The following MAD1L1 variants were observed in gnomAD, a reference collection of about 807,000 sequenced individuals.
MAD1L1 encodes the protein mitotic arrest deficient 1 like 1, also known as mitotic spindle assembly checkpoint protein MAD1.
Under a neutral mutation model 96.9 loss-of-function variants are expected in MAD1L1, and 95 were observed. The observed-to-expected ratio is 0.98, with a 90% CI of 0.83 to 1.16. The LOEUF is 1.16. MAD1L1 is among the 50% of genes most tolerant of loss of function. The pLI is 0.00. For missense variants in MAD1L1, 1,007 were observed against 954.4 expected (o/e 1.06, Z -0.73); for synonymous variants, 473 against 396.6 (o/e 1.19, Z -2.29).
At chr7:2,138,012 C>T (rs1347620028) in intron 11 of MAD1L1, among the ~76,000 whole-genome samples, 2 of 152,232 alleles carry the variant, frequency 1.3e-5, no homozygotes. Flanking sequence ...GTTCACAGGG[C>T]GTTTCTGTAC....
chr7:2,177,190 C>A (rs1790988722), intron 10 of MAD1L1, among the ~76,000 whole-genome samples: 1 of 152,208 alleles, frequency 6.6e-6, no homozygotes, highest in Non-Finnish European at 1.5e-5. Context: ...TGATATCAGG[C>A]AGTAACAACA....
At chr7:2,101,865 G>A (rs1451574436) in intron 11 of MAD1L1, among the ~76,000 whole-genome samples, 1 of 152,150 alleles carries the variant, frequency 6.6e-6, no homozygotes, top group Non-Finnish European at 1.5e-5. Flanking sequence ...GCCCACGCCT[G>A]ACACATGCTG....
At chr7:2,032,113 T>C (rs1783253504) in intron 12 of MAD1L1, among the ~76,000 whole-genome samples, 1 of 152,250 alleles carries the variant, frequency 6.6e-6, no homozygotes, top group African/African-American at 2.4e-5. Flanking sequence ...GGAGTTTCCA[T>C]GCATCAGCTC....
At chr7:1,978,674 T>C (rs1176101311) in intron 15 of MAD1L1, among the ~76,000 whole-genome samples, 1 of 151,464 alleles carries the variant, frequency 6.6e-6, no homozygotes, top group African/African-American at 2.4e-5. Flanking sequence ...GCAGACGCAC[T>C]TCCAGGGGGA....
intron 11 of MAD1L1, among the ~76,000 whole-genome samples, chr7:2,099,429 T>C (rs1176562653): frequency 3.3e-5 from 5 of 152,234 alleles, no homozygotes; most frequent in Non-Finnish European, 7.3e-5. Context: ...GCAGCAGAGA[T>C]AAGTAATGTT....
chr7:1,947,377 G>A (rs1015274470), intron 16 of MAD1L1, among the ~76,000 whole-genome samples: 6 of 152,252 alleles, frequency 3.9e-5, no homozygotes, highest in African/African-American at 1.4e-4. Flanking sequence ...AGAGGGGAAT[G>A]GAAAACACAG....
intron 10 of MAD1L1, among the ~76,000 whole-genome samples, chr7:2,208,208 C>T (rs770771552): frequency 3.3e-5 from 5 of 152,102 alleles, no homozygotes; most frequent in Non-Finnish European, 5.9e-5. Flanking sequence ...GTATGTACCT[C>T]GAGTGGCTCA....
At chr7:1,954,408 A>G (rs943043941) in intron 16 of MAD1L1, among the ~76,000 whole-genome samples, 1 of 152,088 alleles carries the variant, frequency 6.6e-6, no homozygotes, top group African/African-American at 2.4e-5. Flanking sequence ...GAGGTGGCGC[A>G]TCAGAGGGCA....
At chr7:2,004,461 G>C (rs6975354) in intron 13 of MAD1L1, among the ~76,000 whole-genome samples, 61,484 of 152,172 alleles carry the variant, frequency 0.4, 13,174 homozygotes, top group African/African-American at 0.55. Flanking sequence ...TGGCAACCTT[G>C]CAAGGTCAAA....
intron 12 of MAD1L1, among the ~76,000 whole-genome samples, chr7:2,043,221 T>G (rs1584167050): frequency 6.6e-6 from 1 of 152,352 alleles, no homozygotes; most frequent in East Asian, 1.9e-4. Flanking sequence ...CTTTCGAATG[T>G]GTCTGCATCC....
At chr7:2,077,986 C>T (rs1446948031) in intron 11 of MAD1L1, among the ~76,000 whole-genome samples, 14 of 152,184 alleles carry the variant, frequency 9.2e-5, no homozygotes, top group Admixed American at 9.2e-4. Flanking sequence ...GCCAGGGTTC[C>T]CAGACAGGGC....
At chr7:1,829,982 C>G (rs897883023) in intron 18 of MAD1L1, among the ~76,000 whole-genome samples, 1 of 152,122 alleles carries the variant, frequency 6.6e-6, no homozygotes, top group Non-Finnish European at 1.5e-5. Flanking sequence ...AATATCTCCC[C>G]CCAAATAAAG....
intron 11 of MAD1L1, among the ~76,000 whole-genome samples, chr7:2,079,401 T>C (rs1212654385): frequency 2.6e-5 from 4 of 152,192 alleles, no homozygotes; most frequent in Non-Finnish European, 4.4e-5. Context: ...AACCAGAGAA[T>C]GAGAAGACCA....
rs561324370 is a variant in MAD1L1, at chr7:2,132,423, C to T, written c.1073+16729G>A. The stretch of plus-strand genomic sequence containing the variant: ...GCCGCGTGCAGTCGGTTCACTGCTG[C>T]GTGCGACCGCGCGTCCACCATCACG... On this transcript the variant is annotated intron_variant, in intron 11 of 18. Coordinates refer to ENST00000265854, the MANE Select transcript of MAD1L1 (RefSeq NM_001013836.2). 1.1e-3 allele frequency among the ~76,000 whole-genome samples: 74 copies of T among 68,184 alleles called. 2 individuals are homozygous for T. The highest frequency in any genetic ancestry group is 1.9e-3 in the African/African-American group (49 of 26,006). The allele number at this position is 68,184 out of a possible 152,430, so 44.7% of individuals were successfully genotyped here.
chr7:2,074,436 G>T (rs1785283996), intron 11 of MAD1L1, among the ~76,000 whole-genome samples: 1 of 152,244 alleles, frequency 6.6e-6, no homozygotes, highest in South Asian at 2.1e-4. Flanking sequence ...CCATGGAACA[G>T]GAACTGAGGC....
chr7:2,225,378 T>C, intron 4 of MAD1L1, 32 bp downstream of exon 4: 1 of 1,609,524 alleles, frequency 6.2e-7, no homozygotes. Flanking sequence ...CCTGGGGCTG[T>C]CTGGGCCGAC....
chr7:1,871,343 C>T (rs1262626303), intron 18 of MAD1L1, among the ~76,000 whole-genome samples: 23 of 142,848 alleles, frequency 1.6e-4, no homozygotes, highest in Non-Finnish European at 7.6e-5. Flanking sequence ...ACCGTAACAC[C>T]TGCCACGCTG....
intron 18 of MAD1L1, among the ~76,000 whole-genome samples, chr7:1,887,356 CATGT>C (rs1786116136): frequency 2.0e-5 from 3 of 147,330 alleles, no homozygotes; most frequent in South Asian, 2.2e-4. Flanking sequence ...TGTGAGCATG[CATGT>C]GTGTGGGTGG....
chr7:1,917,198 C>T (rs186605400), intron 17 of MAD1L1, among the ~76,000 whole-genome samples: 13 of 152,334 alleles, frequency 8.5e-5, no homozygotes, highest in African/African-American at 2.9e-4. Flanking sequence ...GGGCTTGGCG[C>T]TGGGGTCCAG....
Sources: allele counts gnomAD v4.1 joint callset (sites outside exome capture counted in the v4.1 genomes callset), GRCh38; gene constraint gnomAD v4.1.1; transcripts MANE v1.5; gene names NCBI Gene and HGNC (gene_info 2026-07-23, HGNC 2026-07-21).